Variants in TTC21B observed in about 807,000 individuals in gnomAD.
TTC21B encodes tetratricopeptide repeat domain 21B.
In TTC21B, 127 loss-of-function variants were observed where a neutral mutation model predicts 175.1. That is an observed-to-expected ratio of 0.73 (90% CI 0.63 to 0.84). The LOEUF (loss-of-function observed/expected upper bound fraction) is 0.84. Ranked by LOEUF, TTC21B falls within the 40% of genes least tolerant of loss-of-function variation. TTC21B has a pLI of 0.00. For synonymous variants in TTC21B, 524 were observed against 524.5 expected, an observed-to-expected ratio of 1.00 and a Z score of 0.01; for missense variants, 1,561 against 1,558.3, an observed-to-expected ratio of 1.00 and a Z score of -0.03.
intron 11 of TTC21B, chr2:165,928,898 A>G (rs554944475): frequency 1.3e-4 from 64 of 485,358 alleles, no homozygotes; most frequent in African/African-American, 1.1e-3. Context: ...ATTTCTTTAA[A>G]CTGAAGATTT....
chr2:165,897,098 G>A (rs1408277365), intron 22 of TTC21B, among the ~76,000 whole-genome samples: 2 of 151,752 alleles, frequency 1.3e-5, no homozygotes, highest in African/African-American at 2.4e-5. Flanking sequence ...TGATGATACT[G>A]TGGAACCGCC....
chr2:165,914,691 G>GTGTGTGTGTGTGTGTGTGTGTGTGTGTC lies in TTC21B; in HGVS notation c.2138+509_2138+510insGACACACACACACACACACACACACACA, dbSNP rs1245233255. Among the ~76,000 whole-genome samples, 432 of 148,330 alleles carry GTGTGTGTGTGTGTGTGTGTGTGTGTGTC rather than the reference G, an allele frequency of 2.9e-3. 8 individuals are homozygous for GTGTGTGTGTGTGTGTGTGTGTGTGTGTC. The highest frequency in any genetic ancestry group is 0.011 in the African/African-American group (405 of 38,424). Reference sequence around the variant, plus strand: ...TGTGTGTGTGTGTGTGTGTGTGTGTGTGTGTGTTGTGTATCCCAATAACTC... The same window carrying GTGTGTGTGTGTGTGTGTGTGTGTGTGTC: ...TGTGTGTGTGTGTGTGTGTGTGTGTGTGTGTGTGTGTGTGTGTGTGTGTGTGTCTGTGTGTTGTGTATCCCAATAACTC... On this transcript the variant is annotated intron_variant, in intron 15 of 28. Coordinates refer to ENST00000243344, the MANE Select transcript of TTC21B (RefSeq NM_024753.5).
intron 21 of TTC21B, among the ~76,000 whole-genome samples, chr2:165,899,394 T>C (rs1685478417): frequency 6.6e-6 from 1 of 152,164 alleles, no homozygotes; most frequent in Non-Finnish European, 1.5e-5. Context: ...GTTGTTTTTT[T>C]TCCCCTGTAA....
intron 22 of TTC21B, among the ~76,000 whole-genome samples, chr2:165,896,691 C>T (rs113168544): frequency 5.1e-4 from 77 of 152,170 alleles, no homozygotes; most frequent in African/African-American, 1.7e-3. Flanking sequence ...CAGCATATTC[C>T]GGGAAGTAGA....
At chr2:165,946,303 C>T (rs992460021) in intron 3 of TTC21B, among the ~76,000 whole-genome samples, 1 of 151,734 alleles carries the variant, frequency 6.6e-6, no homozygotes, top group Non-Finnish European at 1.5e-5. Flanking sequence ...CGCGCCACTG[C>T]ACTCCAGCCT....
rs1315060629 is a variant in TTC21B, at chr2:165,945,541, A to G, written c.412T>C (p.Ser138Pro). 5.6e-6 allele frequency: 9 copies of G among 1,613,478 alleles called. No individual in the cohort carries two copies. Among genetic ancestry groups the G allele is most frequent in the Non-Finnish European group, 8.5e-7 (1 of 1,179,896 alleles). The change falls in exon 4 of 29, where the codon TCA (serine) becomes CCA (proline). Residue 138 changes from serine (S) to proline (P), a missense_variant. Physicochemically the swap from Ser to Pro is moderately conservative, Grantham distance 74. Transcript: ENST00000243344. ...REYIDRMIKI[S>P]DGSKQGHVLK... ...ATAGCTACCTGTTTACTACCATCTG[A>G]TATTTTGATCATTCTGTCAATATAT...
intron 14 of TTC21B, among the ~76,000 whole-genome samples, chr2:165,916,180 T>C (rs1315390478): frequency 6.6e-6 from 1 of 152,166 alleles, no homozygotes; most frequent in Admixed American, 6.5e-5. Flanking sequence ...GTAAAATCTC[T>C]TGGACCCAGG....
intron 25 of TTC21B, among the ~76,000 whole-genome samples, chr2:165,886,731 C>T (rs1271201400): frequency 6.6e-6 from 1 of 152,130 alleles, no homozygotes; most frequent in Non-Finnish European, 1.5e-5. Flanking sequence ...TTAAACTTCA[C>T]AGTAGGGATA....
intron 6 of TTC21B, 94 bp from the exon 7 acceptor site, chr2:165,933,151 C>T: frequency 1.0e-6 from 1 of 975,552 alleles, no homozygotes; most frequent in East Asian, 2.7e-5. Flanking sequence ...CTCACTATTC[C>T]ACTGTTCAAA....
At chr2:165,901,629 T>C (rs1183349183) in intron 20 of TTC21B, 93 bp downstream of exon 20, 1 of 1,296,360 alleles carries the variant, frequency 7.7e-7, no homozygotes, top group East Asian at 2.3e-5. Context: ...TGCCTACATC[T>C]TCTTTTAAAA....
chr2:165,932,928 T>C (rs763273869), intron 7 of TTC21B, 45 bp downstream of exon 7: 1 of 1,523,438 alleles, frequency 6.6e-7, no homozygotes, highest in South Asian at 1.1e-5. Context: ...TGTAATGAAA[T>C]ATATTTTTTA....
At chr2:165,952,503 C>T (rs917967173) in intron 1 of TTC21B, among the ~76,000 whole-genome samples, 11 of 152,070 alleles carry the variant, frequency 7.2e-5, no homozygotes, top group African/African-American at 2.2e-4. Context: ...AGGTTGGAGA[C>T]GAAGGTGGGG....
At chr2:165,926,059 T>C (rs1686617148) in intron 11 of TTC21B, among the ~76,000 whole-genome samples, 1 of 152,176 alleles carries the variant, frequency 6.6e-6, no homozygotes, top group South Asian at 2.1e-4. Flanking sequence ...CAAAATTATG[T>C]CTATAAAACG....
chr2:165,875,565 T>C (rs1466994257), intron 28 of TTC21B, among the ~76,000 whole-genome samples: 1 of 152,156 alleles, frequency 6.6e-6, no homozygotes, highest in Non-Finnish European at 1.5e-5. Context: ...AAAACTGTAA[T>C]TTAAATATTT....
At chr2:165,888,118 G>T (rs541534825) in intron 25 of TTC21B, among the ~76,000 whole-genome samples, 161 bp downstream of exon 25, 1 of 152,136 alleles carries the variant, frequency 6.6e-6, no homozygotes, top group Non-Finnish European at 1.5e-5. Context: ...CGTCTCTTCC[G>T]CCAAGAAGGG....
rs1306041056 is a variant in TTC21B, at chr2:165,915,257, C to T, written c.2082G>A (p.Met694Ile). 6.2e-7 allele frequency: 1 copy of T among 1,613,972 alleles called. No individual in the cohort carries two copies. Among genetic ancestry groups the T allele is most frequent in the East Asian group, 2.2e-5 (1 of 44,862 alleles). The change falls in exon 15 of 29, where the codon ATG becomes ATA. Residue 694 changes from methionine (M) to isoleucine (I), a missense_variant. Coordinates refer to ENST00000243344, the MANE Select transcript of TTC21B (RefSeq NM_024753.5). ...QPYFIEAREKMADIYLKHRKD... is the reference protein window; with the variant it reads ...QPYFIEAREKIADIYLKHRKD... ...TTCTGTGCTTCAGATAAATATCTGC[C>T]ATTTTTTCTCTGGCCTCTATAAAAT...
chr2:165,914,678 T>TGTGTGTGTGTGTGCGCGCGCGC (rs1686083922), intron 15 of TTC21B, among the ~76,000 whole-genome samples: 1 of 117,846 alleles, frequency 8.5e-6, no homozygotes, highest in African/African-American at 4.0e-5. Flanking sequence ...TGTGTGTGTG[T>TGTGTGTGTGTGTGCGCGCGCGC]GTGTGTGTGT....
Position 165,918,171 on chromosome 2 carries a change from G to A in TTC21B, c.1675-690C>T, listed in dbSNP as rs140031177. Among the ~76,000 whole-genome samples, 990 of 152,296 alleles carry A rather than the reference G, an allele frequency of 6.5e-3. 7 individuals carry two copies. The highest frequency in any genetic ancestry group is 0.014 in the Middle Eastern group (4 of 294). On this transcript the variant is annotated intron_variant, in intron 13 of 28. Transcript: ENST00000243344. The stretch of plus-strand genomic sequence containing the variant: ...CCTGCACATTTGCTTACAGAGCTTC[G>A]TGTGAGACTCACGCTTGTGCTCCTT...
At chr2:165,950,348 A>C (rs144309495) in intron 1 of TTC21B, among the ~76,000 whole-genome samples, 1 of 152,350 alleles carries the variant, frequency 6.6e-6, no homozygotes, top group African/African-American at 2.4e-5. Context: ...AGACAAAACT[A>C]CTATCAGGAC....
Sources: allele counts gnomAD v4.1 joint callset (sites outside exome capture counted in the v4.1 genomes callset), GRCh38; gene constraint gnomAD v4.1.1; transcripts MANE v1.5; gene names NCBI Gene and HGNC (gene_info 2026-07-23, HGNC 2026-07-21).